The following NRXN3 variants were observed in gnomAD, a reference collection of about 807,000 sequenced individuals.
The protein encoded by NRXN3 is neurexin 3, also known as neurexin III.
Under a neutral mutation model 137.6 loss-of-function variants are expected in NRXN3, and 32 were observed. The ratio of observed to expected loss-of-function variants is 0.23; its 90% CI spans 0.18 to 0.31. The LOEUF (loss-of-function observed/expected upper bound fraction) is 0.31. Ranked by LOEUF, NRXN3 falls within the 10% of genes least tolerant of loss-of-function variation. The probability of loss-of-function intolerance (pLI) is 1.00; values close to 1 mark genes in which losing one functional copy is unlikely to be tolerated. For missense variants in NRXN3, 1,574 were observed against 2,062.5 expected (o/e 0.76, Z 4.59); for synonymous variants, 798 against 784.5 (o/e 1.02, Z -0.29).
intron 15 of NRXN3, among the ~76,000 whole-genome samples, chr14:79,134,336 T>C (rs1016496187): frequency 6.6e-6 from 1 of 152,220 alleles, no homozygotes; most frequent in Non-Finnish European, 1.5e-5. Context: ...TGCTGTGTAA[T>C]GTTATGGAAT....
chr14:78,338,962 CTT>C (rs1400161049), intron 4 of NRXN3, among the ~76,000 whole-genome samples: 1 of 152,130 alleles, frequency 6.6e-6, no homozygotes, highest in Non-Finnish European at 1.5e-5. Context: ...AGGCTCCTGA[CTT>C]TGAATTATTG....
chr14:79,333,757 C>T (rs559577142), intron 15 of NRXN3, among the ~76,000 whole-genome samples: 69 of 152,276 alleles, frequency 4.5e-4, no homozygotes, highest in Middle Eastern at 3.4e-3. Flanking sequence ...TCTTAGCAGT[C>T]CTAATCTTAT....
In NRXN3 at chr14:79,752,165, A is replaced by G. The variant is rs1466660096; in HGVS notation, c.4015-52947A>G. Among the ~76,000 whole-genome samples, 5 of 152,152 alleles carry G rather than the reference A, an allele frequency of 3.3e-5. No individual in the cohort carries two copies. The East Asian group carries it at 9.7e-4, about 29-fold the overall frequency. On this transcript the variant is annotated intron_variant, in intron 19 of 20. Transcript: ENST00000335750. ...AGGAATGGTACCAGTTCCGCCTTGT[A>G]CCTCTGGTAGAATTCGGCTGTGAAT...
chr14:79,495,573 T>G (rs904472375), intron 16 of NRXN3, among the ~76,000 whole-genome samples: 1 of 152,182 alleles, frequency 6.6e-6, no homozygotes, highest in African/African-American at 2.4e-5. Flanking sequence ...TAACATTTAT[T>G]GAGCGCTTAT....
chr14:78,451,242 C>T lies in NRXN3; in HGVS notation c.757+153382C>T, dbSNP rs368792669. Among the ~76,000 whole-genome samples the T allele has an allele frequency of 1.3e-4, 20 of 152,294 alleles. No homozygotes were observed. The East Asian group carries it at 1.7e-3, about 13-fold the overall frequency. The stretch of plus-strand genomic sequence containing the variant: ...ACCACATGTGCCCAATTACAACATA[C>T]GGGACCTTAGACAATTGCTTACATC... On this transcript the variant is annotated intron_variant, in intron 4 of 20. Transcript: ENST00000335750.
intron 15 of NRXN3, among the ~76,000 whole-genome samples, chr14:79,123,618 AAG>A (rs1434700170): frequency 6.6e-6 from 1 of 152,146 alleles, no homozygotes; most frequent in Non-Finnish European, 1.5e-5. Flanking sequence ...ATCTAGAGGA[AAG>A]AGAGGTGTAT....
At chr14:78,996,046 G>A (rs1026651822) in intron 15 of NRXN3, among the ~76,000 whole-genome samples, 16 of 152,000 alleles carry the variant, frequency 1.1e-4, no homozygotes, top group East Asian at 1.9e-4. Context: ...AATGTTTCTC[G>A]GGTGGGCCTG....
intron 16 of NRXN3, among the ~76,000 whole-genome samples, chr14:79,482,044 A>T (rs2096614051): frequency 6.6e-6 from 1 of 152,138 alleles, no homozygotes; most frequent in Admixed American, 6.5e-5. Flanking sequence ...GTAAGTGGGA[A>T]AGTTGCAAAT....
intron 15 of NRXN3, among the ~76,000 whole-genome samples, chr14:79,307,803 T>TTC (rs138893694): frequency 6.6e-6 from 1 of 151,418 alleles, no homozygotes; most frequent in Non-Finnish European, 1.5e-5. Flanking sequence ...TTTATTTTTT[T>TTC]TCTCTCTCTC....
intron 15 of NRXN3, among the ~76,000 whole-genome samples, chr14:79,428,247 A>T (rs2095688083): frequency 6.6e-6 from 1 of 152,194 alleles, no homozygotes; most frequent in Non-Finnish European, 1.5e-5. Flanking sequence ...GCCTGACAGA[A>T]AATGTAAAGT....
At chr14:78,413,606 A>G (rs1310525985) in intron 4 of NRXN3, among the ~76,000 whole-genome samples, 1 of 152,192 alleles carries the variant, frequency 6.6e-6, no homozygotes, top group Non-Finnish European at 1.5e-5. Context: ...ATACTCCTGC[A>G]TCAGGTGGTT....
chr14:79,166,508 C>A (rs2061297745), intron 15 of NRXN3, among the ~76,000 whole-genome samples: 1 of 149,886 alleles, frequency 6.7e-6, no homozygotes, highest in South Asian at 2.1e-4. Flanking sequence ...AGAATCTCAT[C>A]TAGTATGTGT....
intron 16 of NRXN3, among the ~76,000 whole-genome samples, chr14:79,605,005 C>T (rs1461277212): frequency 6.6e-6 from 1 of 152,140 alleles, no homozygotes; most frequent in Non-Finnish European, 1.5e-5. Flanking sequence ...ACACTCTAGC[C>T]TGGGCGACAG....
chr14:79,817,450 C>T (rs2099255237), intron 20 of NRXN3, among the ~76,000 whole-genome samples: 1 of 152,204 alleles, frequency 6.6e-6, no homozygotes, highest in Non-Finnish European at 1.5e-5. Flanking sequence ...GCCACTGCTA[C>T]AACTTTGTTT....
intron 15 of NRXN3, among the ~76,000 whole-genome samples, chr14:79,229,451 A>C (rs2071710083): frequency 2.0e-5 from 3 of 152,178 alleles, no homozygotes; most frequent in African/African-American, 7.2e-5. Flanking sequence ...TCTTTTATCT[A>C]ATCACCACAC....
chr14:79,206,082 T>G (rs2153223029), intron 15 of NRXN3, among the ~76,000 whole-genome samples: 1 of 152,340 alleles, frequency 6.6e-6, no homozygotes, highest in Non-Finnish European at 1.5e-5. Context: ...TGTCTGTTTT[T>G]GTTATATCAC....
chr14:78,569,294 C>G (rs1235577261), intron 4 of NRXN3, among the ~76,000 whole-genome samples: 1 of 149,852 alleles, frequency 6.7e-6, no homozygotes, highest in East Asian at 2.0e-4. Context: ...GAGACAGAGT[C>G]TCATTCTGTC....
intron 4 of NRXN3, among the ~76,000 whole-genome samples, chr14:78,324,510 A>C (rs1288256793): frequency 1.3e-5 from 2 of 152,120 alleles, no homozygotes. Flanking sequence ...CTTTAAGTCT[A>C]CCTTCATTCA....
At chr14:79,773,397 G>A (rs1200340626) in intron 19 of NRXN3, among the ~76,000 whole-genome samples, 2 of 151,948 alleles carry the variant, frequency 1.3e-5, no homozygotes, top group South Asian at 2.1e-4. Context: ...ACCAATGATC[G>A]ACCAGATTAA....
Sources: gnomAD v4.1 joint callset for allele counts (sites outside exome capture counted in the v4.1 genomes callset) on GRCh38, gnomAD v4.1.1 for gene constraint, MANE v1.5 for transcripts, NCBI Gene and HGNC (gene_info 2026-07-23, HGNC 2026-07-21) for gene names.